MACF1: variants seen among roughly 807,000 people sequenced by gnomAD.
The protein encoded by MACF1 is microtubule actin crosslinking factor 1.
A neutral mutation model predicts 854.8 loss-of-function variants in MACF1; 193 were observed. The observed-to-expected ratio is 0.23, with a 90% CI of 0.20 to 0.25. The LOEUF is 0.25. MACF1 is among the 10% of genes least tolerant of loss of function. The pLI is 1.00. For missense variants in MACF1, 7,722 were observed against 8,929.1 expected, an observed-to-expected ratio of 0.86 and a Z score of 5.45; for synonymous variants, 3,185 against 3,226.7, an observed-to-expected ratio of 0.99 and a Z score of 0.44.
At chr1:39,092,871 C>T (rs1641841184) in intron 2 of MACF1, among the ~76,000 whole-genome samples, 1 of 152,082 alleles carries the variant, frequency 6.6e-6, no homozygotes, top group African/African-American at 2.4e-5. Flanking sequence ...GCAACCTCCG[C>T]CTCCCGGGTT....
At chr1:39,188,171 C>T (rs1644202953) in intron 2 of MACF1, among the ~76,000 whole-genome samples, 2 of 152,102 alleles carry the variant, frequency 1.3e-5, no homozygotes, top group Non-Finnish European at 2.9e-5. Context: ...GGCACAGTGG[C>T]TCACACCTAT....
In MACF1 at chr1:39,283,493, G is replaced by A; in HGVS notation, c.893G>A (p.Gly298Asp). 6.2e-7 allele frequency: 1 copy of A among 1,607,660 alleles called. No individual in the cohort carries two copies. The highest frequency in any genetic ancestry group is 8.5e-7 in the Non-Finnish European group (1 of 1,174,166). Reference sequence around the variant, plus strand: ...GATGCCTTCCCTAAAGTTCCTGAGGGTGGAGAAGGGATCAGTGCTACGGTA... The same window carrying A: ...GATGCCTTCCCTAAAGTTCCTGAGGATGGAGAAGGGATCAGTGCTACGGTA... ...IYDAFPKVPE[G>D]GEGISATEVD... Residue 298 changes from glycine (G) to aspartate (D), a missense_variant, in exon 9 of 101, where the codon GGT (glycine) becomes GAT (aspartate). By Grantham distance (94) the Gly-to-Asp change is moderately conservative (BLOSUM62 -1). Transcript: ENST00000564288. This position sits in a 1 kb window ranked among gnomAD's most constrained non-coding sequence, Gnocchi z 4.5.
intron 2 of MACF1, among the ~76,000 whole-genome samples, chr1:39,152,848 TAAAC>T (rs1482202222): frequency 9.3e-6 from 1 of 107,426 alleles, no homozygotes; most frequent in African/African-American, 2.7e-5. Context: ...CCAAGTGACT[TAAAC>T]AAATTAAAAA....
chr1:39,261,799 T>C (rs1447315340), intron 6 of MACF1, among the ~76,000 whole-genome samples: 2 of 152,250 alleles, frequency 1.3e-5, no homozygotes, highest in Non-Finnish European at 2.9e-5. Context: ...TTCATTTCTC[T>C]TGTGTATACA....
chr1:39,461,791 CAAAAAAA>C (rs59393084), intron 92 of MACF1, 85 bp from the exon 93 acceptor site: 450 of 350,558 alleles, frequency 1.3e-3, no homozygotes, highest in Middle Eastern at 1.9e-3. Context: ...GACCTTGTCT[CAAAAAAA>C]AAAAAAAAAA....
chr1:39,246,868 A>G (rs939850081), intron 2 of MACF1, among the ~76,000 whole-genome samples: 6 of 151,422 alleles, frequency 4.0e-5, no homozygotes, highest in African/African-American at 1.5e-4. Context: ...GCCAAGTGTT[A>G]AATTTTCAGC....
intron 35 of MACF1, 76 bp from the exon 36 acceptor site, chr1:39,327,142 A>G (rs1180411872): frequency 5.0e-6 from 7 of 1,391,736 alleles, no homozygotes; most frequent in Admixed American, 5.1e-5. Flanking sequence ...AAGAAGTAGC[A>G]ATTTTGAAGC....
chr1:39,358,193 C>T (rs917538758), intron 45 of MACF1, among the ~76,000 whole-genome samples: 1 of 152,166 alleles, frequency 6.6e-6, no homozygotes, highest in Non-Finnish European at 1.5e-5. Context: ...CTTGGACTCC[C>T]AAGAGACATA....
chr1:39,253,509 AT>A (rs34578005), intron 4 of MACF1, among the ~76,000 whole-genome samples: 4,938 of 91,260 alleles, frequency 0.054, 30 homozygotes, highest in Middle Eastern at 0.18. Flanking sequence ...AGCTATCTGT[AT>A]TTTTTTTTTT....
chr1:39,314,561 T>TCA (rs1646371321), intron 26 of MACF1, among the ~76,000 whole-genome samples: 1 of 43,020 alleles, frequency 2.3e-5, no homozygotes, highest in Non-Finnish European at 8.5e-5. Context: ...TCTCTCTCTC[T>TCA]CTCTCTCTCA....
rs141461887 is a variant in MACF1, at chr1:39,306,860, A to AATTATTATTATTATT, written c.2790-2691_2790-2677dup. 2.6e-4 allele frequency among the ~76,000 whole-genome samples: 37 copies of AATTATTATTATTATT among 144,896 alleles called. 1 individual carries two copies. The highest frequency in any genetic ancestry group is 3.6e-3 in the Middle Eastern group (1 of 276). ...CTAACTGGCAAGATACATTTTTTGA[A>AATTATTATTATTATT]ATTATTATTATTATTATTATTATTA... On this transcript the variant is annotated intron_variant, in intron 23 of 100. Transcript: ENST00000564288.
rs748129722 is a variant in MACF1 at position 39,336,459 on chromosome 1, A to C, written c.9871A>C (p.Ile3291Leu). ...QKENTGQQNA[I>L]ISPTVLETSE... Reference sequence around the variant, plus strand: ...AGAGAATACAGGGCAACAGAATGCCATCATTAGTCCTACTGTTCTAGAGAC... The same window carrying C: ...AGAGAATACAGGGCAACAGAATGCCCTCATTAGTCCTACTGTTCTAGAGAC... The change falls in exon 37 of 101, where the codon ATC becomes CTC. Residue 3291 changes from isoleucine to leucine, a missense_variant. Physicochemically the swap from Ile to Leu is conservative, Grantham distance 5 (BLOSUM62 2). This residue lies in a region of MACF1 where 854 missense variants were observed against 852.6 expected (regional missense o/e 1.00). Transcript: ENST00000564288. 3 of 1,614,086 alleles carry C rather than the reference A, an allele frequency of 1.9e-6. No homozygotes were observed. Among genetic ancestry groups the C allele is most frequent in the Non-Finnish European group, 2.5e-6 (3 of 1,180,024 alleles).
chr1:39,324,101 T>C, intron 33 of MACF1, 92 bp from the exon 34 acceptor site: 1 of 1,334,288 alleles, frequency 7.5e-7, no homozygotes, highest in South Asian at 1.5e-5. Context: ...ACTGTATCTG[T>C]TTTTAGGAAG....
Position 39,336,469 on chromosome 1 carries a change from C to T in MACF1, c.9881C>T (p.Pro3294Leu). The part of the protein sequence containing the change: ...NTGQQNAIIS[P>L]TVLETSEEKT... Reference sequence around the variant, plus strand: ...GGGCAACAGAATGCCATCATTAGTCCTACTGTTCTAGAGACCAGTGAAGAA... The same window carrying T: ...GGGCAACAGAATGCCATCATTAGTCTTACTGTTCTAGAGACCAGTGAAGAA... The change falls in exon 37 of 101, where the codon CCT becomes CTT. Residue 3294 changes from proline (P) to leucine (L), a missense_variant. Physicochemically the swap from Pro to Leu is moderately conservative, Grantham distance 98 (BLOSUM62 -3). This residue lies in a region of MACF1 where 854 missense variants were observed against 852.6 expected (regional missense o/e 1.00). Coordinates refer to ENST00000564288, the MANE Select transcript of MACF1 (RefSeq NM_001394062.1). 2 of 1,614,040 alleles carry T rather than the reference C, an allele frequency of 1.2e-6. No individual in the cohort carries two copies. The highest frequency in any genetic ancestry group is 1.7e-6 in the Non-Finnish European group (2 of 1,179,894).
rs1189295330 is a variant in MACF1 at position 39,430,779 on chromosome 1, G to A, written c.17208G>A (p.Leu5736=). 2 of 1,612,456 alleles carry A rather than the reference G, an allele frequency of 1.2e-6. No individual in the cohort carries two copies. Among genetic ancestry groups the A allele is most frequent in the South Asian group, 2.2e-5 (2 of 91,000 alleles). ...VNEVSRALLE[L]VPWRAREGLD... is the part of the protein sequence containing the mutation. ...AGGTGAGCCGTGCTCTCTTAGAGCT[G>A]GTGCCCTGGAGAGCCAGAGAAGGGC... Residue 5736 remains leucine, a synonymous_variant, in exon 66 of 101, where the codon CTG becomes CTA. Coordinates refer to ENST00000564288, the MANE Select transcript of MACF1 (RefSeq NM_001394062.1).
chr1:39,463,490 CAAA>C (rs58454766), intron 93 of MACF1, 119 bp from the exon 94 acceptor site: 451 of 509,872 alleles, frequency 8.8e-4, no homozygotes, highest in Middle Eastern at 1.5e-3. Context: ...AACTCCATCT[CAAA>C]AAAAAAAAAA....
At chr1:39,436,353 C>T in intron 70 of MACF1, 2 of 899,708 alleles carry the variant, frequency 2.2e-6, no homozygotes, top group Non-Finnish European at 3.7e-6. Context: ...ACTCAAGTTT[C>T]TCCCCCCACC....
intron 2 of MACF1, among the ~76,000 whole-genome samples, chr1:39,101,995 T>C (rs1016904584): frequency 2.7e-5 from 4 of 150,036 alleles, no homozygotes; most frequent in Admixed American, 6.6e-5. Flanking sequence ...GCTAACACAG[T>C]GAAACCCCGT....
At chr1:39,472,457 T>C (rs1390438498) in intron 97 of MACF1, among the ~76,000 whole-genome samples, 1 of 152,214 alleles carries the variant, frequency 6.6e-6, no homozygotes, top group East Asian at 1.9e-4. Context: ...ATTATCAAAG[T>C]AAAAGTATTA....
Sources: gnomAD v4.1 joint callset for allele counts (sites outside exome capture counted in the v4.1 genomes callset) on GRCh38, gnomAD v4.1.1 for gene constraint, gnomAD v4.1.1 regional missense constraint, Gnocchi (gnomAD v3.1) non-coding constraint, MANE v1.5 for transcripts, NCBI Gene and HGNC (gene_info 2026-07-23, HGNC 2026-07-21) for gene names.